CEP112: variants seen among roughly 807,000 people sequenced by gnomAD.
CEP112 encodes centrosomal protein of 112 kDa.
CEP112 carries 127 observed loss-of-function variants against 153.0 expected under a neutral mutation model. The observed-to-expected ratio is 0.83, with a 90% CI of 0.72 to 0.96. The LOEUF is 0.96. Among genes scored for constraint, CEP112 ranks in the 40% least tolerant of loss-of-function variants. The pLI is 0.00. For missense variants in CEP112, 1,089 were observed against 1,101.2 expected (o/e 0.99, Z 0.16); for synonymous variants, 358 against 374.4 (o/e 0.96, Z 0.51).
intron 6 of CEP112, among the ~76,000 whole-genome samples, chr17:66,099,373 A>T (rs1342658152): frequency 3.3e-5 from 5 of 151,958 alleles, no homozygotes; most frequent in Non-Finnish European, 5.9e-5. Flanking sequence ...GCTTAGTGGC[A>T]GGTGACTATA....
At chr17:66,046,049 T>A (rs1320102648) in intron 12 of CEP112, among the ~76,000 whole-genome samples, 1 of 151,920 alleles carries the variant, frequency 6.6e-6, no homozygotes, top group Non-Finnish European at 1.5e-5. Flanking sequence ...TTTTTCTTTT[T>A]CTTTTTTTTT....
intron 21 of CEP112, among the ~76,000 whole-genome samples, chr17:65,771,004 A>G (rs2053322038): frequency 6.6e-6 from 1 of 151,758 alleles, no homozygotes; most frequent in Non-Finnish European, 1.5e-5. Flanking sequence ...AAGAAATAGC[A>G]AAATGGTATA....
intron 20 of CEP112, among the ~76,000 whole-genome samples, chr17:65,885,557 C>T (rs1299089738): frequency 2.0e-5 from 3 of 152,140 alleles, no homozygotes; most frequent in East Asian, 1.9e-4. Context: ...AACACATTTA[C>T]ACTGCAAGAA....
intron 19 of CEP112, among the ~76,000 whole-genome samples, chr17:65,903,945 G>A (rs1035735589): frequency 3.3e-5 from 5 of 152,020 alleles, no homozygotes; most frequent in Non-Finnish European, 7.4e-5. Context: ...AATAAACTAG[G>A]TATTGATGGA....
In CEP112 at chr17:65,673,176, G is replaced by C. The variant is rs112592702; in HGVS notation, c.2697+15953C>G. The stretch of plus-strand genomic sequence containing the variant: ...GTTGTTGGCAGAATTCACTTCCTTG[G>C]CACTACAGGGCTGAGGTTCCCATTT... On this transcript the variant is annotated intron_variant, in intron 24 of 26. Transcript: ENST00000535342. Among the ~76,000 whole-genome samples, 273 of 152,188 alleles carry C rather than the reference G, an allele frequency of 1.8e-3. 3 individuals are homozygous for C. The highest frequency in any genetic ancestry group is 6.5e-3 in the African/African-American group (269 of 41,532).
At position 65,970,343 on chromosome 17, in the gene CEP112, C is replaced by T. The variant is rs565322166; in HGVS notation, c.1737-8745G>A. Among the ~76,000 whole-genome samples the T allele has an allele frequency of 7.2e-4, 77 of 106,708 alleles. 7 individuals carry two copies. The Middle Eastern group carries it at 0.024, about 34-fold the overall frequency. The allele number at this position is 106,708 out of a possible 152,430, so 70.0% of individuals were successfully genotyped here. ...AAACATATTGCATGCATATTACATGCATGTGCACTATGTGCCTATATTACA... is the reference window on the plus strand; with the variant it reads ...AAACATATTGCATGCATATTACATGTATGTGCACTATGTGCCTATATTACA... On this transcript the variant is annotated intron_variant, in intron 17 of 26. Transcript: ENST00000535342.
chr17:66,062,970 T>G lies in CEP112; in HGVS notation c.1067A>C (p.Glu356Ala). The change falls in exon 11 of 27, where the codon GAA (glutamate) becomes GCA (alanine). Residue 356 changes from glutamate to alanine, a missense_variant. Glu to Ala is a moderately radical substitution (Grantham distance 107). Coordinates refer to ENST00000535342, the MANE Select transcript of CEP112 (RefSeq NM_001199165.4). ...GTATTTTATGTAGCTTACCTTTTTT[T>G]CCCAGTCATTATTTAGAGATTCCGT... is the stretch of plus-strand genomic sequence containing the variant. The part of the protein sequence containing the change: ...QSTESLNNDW[E>A]KKLHNAVAEM... 2 of 1,543,694 alleles carry G rather than the reference T, an allele frequency of 1.3e-6. No individual in the cohort carries two copies. Among genetic ancestry groups the G allele is most frequent in the Non-Finnish European group, 1.8e-6 (2 of 1,133,298 alleles).
intron 23 of CEP112, among the ~76,000 whole-genome samples, chr17:65,723,275 C>A (rs567461474): frequency 6.6e-6 from 1 of 152,270 alleles, no homozygotes; most frequent in African/African-American, 2.4e-5. Context: ...CAAGAATTTG[C>A]TGACGCTATT....
intron 19 of CEP112, among the ~76,000 whole-genome samples, chr17:65,922,823 C>T (rs1183999443): frequency 2.0e-5 from 3 of 152,128 alleles, no homozygotes; most frequent in Admixed American, 2.0e-4. Context: ...TACTTTGTAA[C>T]TATAGCATAA....
intron 24 of CEP112, among the ~76,000 whole-genome samples, chr17:65,676,373 G>A (rs190525293): frequency 5.9e-4 from 89 of 150,260 alleles, no homozygotes; most frequent in Non-Finnish European, 1.2e-3. Flanking sequence ...GCATTATAAT[G>A]TGTTAAATAA....
intron 20 of CEP112, 127 bp from the exon 21 acceptor site, chr17:65,852,161 A>C: frequency 3.4e-6 from 2 of 596,990 alleles, no homozygotes; most frequent in Non-Finnish European, 5.7e-6. Context: ...ATTGCACTCC[A>C]TCCTTCCTTC....
At chr17:65,833,808 C>A (rs1236819157) in intron 21 of CEP112, among the ~76,000 whole-genome samples, 1 of 152,052 alleles carries the variant, frequency 6.6e-6, no homozygotes, top group Admixed American at 6.6e-5. Flanking sequence ...GCTATACCTA[C>A]CAAACTGCCA....
intron 22 of CEP112, among the ~76,000 whole-genome samples, chr17:65,748,865 C>T (rs1211497308): frequency 1.3e-5 from 2 of 152,174 alleles, no homozygotes; most frequent in Non-Finnish European, 2.9e-5. Context: ...TAGATAAATA[C>T]TCCTGTTTAC....
chr17:65,782,537 C>G (rs2145639514), intron 21 of CEP112, among the ~76,000 whole-genome samples: 1 of 152,272 alleles, frequency 6.6e-6, no homozygotes, highest in African/African-American at 2.4e-5. Flanking sequence ...GACACATGTA[C>G]ATGAGTGCTC....
rs192043 is a variant in CEP112 at position 66,169,440 on chromosome 17, T to C, written c.470+5604A>G. Among the ~76,000 whole-genome samples, 485 of 152,038 alleles carry C rather than the reference T, an allele frequency of 3.2e-3. 2 individuals are homozygous for C. The highest frequency in any genetic ancestry group is 0.011 in the African/African-American group (468 of 41,480). On this transcript the variant is annotated intron_variant, in intron 4 of 26. Transcript: ENST00000535342. The stretch of plus-strand genomic sequence containing the variant: ...CTGGGACTACAGGCACCCACCACCA[T>C]GCCCAGCTAATTTTTTTGTATTTTT...
rs558657710 is a variant in CEP112, at chr17:66,104,603, G to C, written c.643-7971C>G. Reference sequence around the variant, plus strand: ...CTCAGCTTGAGGAAGGGAGAGGGAAGACAAAAGGGAACATTGTCTTTCACC... The same window carrying C: ...CTCAGCTTGAGGAAGGGAGAGGGAACACAAAAGGGAACATTGTCTTTCACC... On this transcript the variant is annotated intron_variant, in intron 6 of 26. Coordinates refer to ENST00000535342, the MANE Select transcript of CEP112 (RefSeq NM_001199165.4). 1.2e-4 allele frequency among the ~76,000 whole-genome samples: 19 copies of C among 152,232 alleles called. No individual in the cohort carries two copies. The South Asian group carries it at 3.7e-3, about 30-fold the overall frequency.
chr17:66,107,493 G>A (rs909181618), intron 6 of CEP112, among the ~76,000 whole-genome samples: 4 of 152,028 alleles, frequency 2.6e-5, no homozygotes, highest in African/African-American at 9.7e-5. Context: ...ATTTCTATAT[G>A]CCAACTGCAA....
intron 8 of CEP112, among the ~76,000 whole-genome samples, chr17:66,089,718 T>C (rs1363765648): frequency 6.6e-6 from 1 of 152,068 alleles, no homozygotes; most frequent in African/African-American, 2.4e-5. Flanking sequence ...ATTCAAGTTA[T>C]AGGAGCTAAA....
At chr17:65,777,444 C>T (rs1054934741) in intron 21 of CEP112, among the ~76,000 whole-genome samples, 1 of 152,192 alleles carries the variant, frequency 6.6e-6, no homozygotes, top group Non-Finnish European at 1.5e-5. Flanking sequence ...TGCTGACTTG[C>T]CGCTTCCATC....
Sources: gnomAD v4.1 joint callset for allele counts (sites outside exome capture counted in the v4.1 genomes callset) on GRCh38, gnomAD v4.1.1 for gene constraint, MANE v1.5 for transcripts, NCBI Gene and HGNC (gene_info 2026-07-23, HGNC 2026-07-21) for gene names.